The following ANOS1 variants were observed in gnomAD, a reference collection of about 807,000 sequenced individuals.
ANOS1 encodes the protein anosmin 1, also known as anosmin-1.
A neutral mutation model predicts 59.0 loss-of-function variants in ANOS1; 6 were observed. The ratio of observed to expected loss-of-function variants is 0.10; its 90% CI spans 0.06 to 0.20. The LOEUF (loss-of-function observed/expected upper bound fraction) is 0.20, where lower values mean the gene tolerates loss of function less well. Ranked by LOEUF, ANOS1 falls within the 10% of genes least tolerant of loss-of-function variation. The probability of loss-of-function intolerance (pLI) is 1.00; values close to 1 mark genes in which losing one functional copy is unlikely to be tolerated. For missense variants in ANOS1, 433 were observed against 542.3 expected, an observed-to-expected ratio of 0.80 and a Z score of 2.00; for synonymous variants, 217 against 223.4, an observed-to-expected ratio of 0.97 and a Z score of 0.25.
intron 2 of ANOS1, among the ~76,000 whole-genome samples, chrX:8,661,711 TCCCCATGAC>T (rs1389120664): frequency 9.4e-6 from 1 of 106,719 alleles, no homozygotes; most frequent in Non-Finnish European, 1.9e-5. Flanking sequence ...AGAACCACCT[TCCCCATGAC>T]CCCCATGTGG....
intron 2 of ANOS1, among the ~76,000 whole-genome samples, chrX:8,660,510 C>T (rs1932018739): frequency 9.0e-6 from 1 of 111,428 alleles, no homozygotes; most frequent in South Asian, 3.8e-4. Context: ...GACGGGGGCT[C>T]ATATCTGTCA....
chrX:8,723,019 G>A (rs1374095976), intron 1 of ANOS1, among the ~76,000 whole-genome samples: 1 of 112,078 alleles, frequency 8.9e-6, no homozygotes. Flanking sequence ...GTAGGAGAAT[G>A]AAACTGGATC....
chrX:8,545,382 GGGAAGGAA>G (rs56104485), intron 9 of ANOS1, among the ~76,000 whole-genome samples: 16 of 99,062 alleles, frequency 1.6e-4, no homozygotes, highest in Non-Finnish European at 3.0e-4. Context: ...GGAAAGGAAA[GGGAAGGAA>G]GGAAGGAAGG....
intron 1 of ANOS1, among the ~76,000 whole-genome samples, chrX:8,719,717 C>T (rs1456749900): frequency 1.8e-5 from 2 of 110,855 alleles, no homozygotes; most frequent in Non-Finnish European, 3.8e-5. Flanking sequence ...AACATATCTG[C>T]GTTATCTTTA....
chrX:8,539,334 T>C (rs866637102), intron 10 of ANOS1, among the ~76,000 whole-genome samples: 2 of 109,206 alleles, frequency 1.8e-5, no homozygotes, highest in Admixed American at 2.0e-4. Context: ...ATTCAGAAAA[T>C]AATTCAAAGC....
At position 8,648,034 on chromosome X, in the gene ANOS1, T is replaced by G. The variant is rs774780607; in HGVS notation, c.256-24364A>C. On this transcript the variant is annotated intron_variant, in intron 2 of 13. Coordinates refer to ENST00000262648, the MANE Select transcript of ANOS1 (RefSeq NM_000216.4). ...ATAAATTTATAAACTGTATAAATGT[T>G]ATAAATTGATAAACTGTACAAATAT... Among the ~76,000 whole-genome samples the G allele has an allele frequency of 2.7e-5, 3 of 112,528 alleles. No homozygotes were observed. The South Asian group carries it at 1.1e-3, about 41-fold the overall frequency.
At chrX:8,656,568 A>C (rs1298289351) in intron 2 of ANOS1, among the ~76,000 whole-genome samples, 1 of 111,251 alleles carries the variant, frequency 9.0e-6, no homozygotes, top group Non-Finnish European at 1.9e-5. Context: ...TAAGTTGCTA[A>C]GCTTTTCTAC....
At chrX:8,687,460 T>TAA (rs369701711) in intron 2 of ANOS1, among the ~76,000 whole-genome samples, 1 of 103,141 alleles carries the variant, frequency 9.7e-6, no homozygotes, top group Admixed American at 1.1e-4. Flanking sequence ...ACATAAATAT[T>TAA]AAAAAAAAAA....
At chrX:8,570,086 G>A (rs1461431905) in intron 7 of ANOS1, among the ~76,000 whole-genome samples, 3 of 103,696 alleles carry the variant, frequency 2.9e-5, no homozygotes, top group Non-Finnish European at 5.8e-5. Context: ...GAAACACTTC[G>A]CAACAGAAAA....
Position 8,667,956 on chromosome X carries a change from T to C in ANOS1, c.255+31742A>G, listed in dbSNP as rs772931465. ...TGAGAAAAGAGGAATAACTATTTTG[T>C]AGAAGTGCAATGAGGTCTGAGTGAC... On this transcript the variant is annotated intron_variant, in intron 2 of 13. Coordinates refer to ENST00000262648, the MANE Select transcript of ANOS1 (RefSeq NM_000216.4). Among the ~76,000 whole-genome samples, 6 of 111,514 alleles carry C rather than the reference T, an allele frequency of 5.4e-5. No individual in the cohort carries two copies. In the South Asian group the frequency reaches 2.3e-3, roughly 42 times the overall value.
intron 5 of ANOS1, 61 bp downstream of exon 5, chrX:8,587,733 C>T (rs772092854): frequency 1.8e-4 from 167 of 944,975 alleles, no homozygotes; most frequent in African/African-American, 8.0e-4. Flanking sequence ...ATTTTTTGTG[C>T]GTAGCTATGT....
chrX:8,720,803 C>G (rs1020424159), intron 1 of ANOS1, among the ~76,000 whole-genome samples: 1 of 111,106 alleles, frequency 9.0e-6, no homozygotes, highest in Non-Finnish European at 1.9e-5. Context: ...GTGTAACACA[C>G]CTGTAGTCCC....
At chrX:8,617,605 AC>A (rs1370664414) in intron 3 of ANOS1, among the ~76,000 whole-genome samples, 1 of 109,988 alleles carries the variant, frequency 9.1e-6, no homozygotes, top group Non-Finnish European at 1.9e-5. Context: ...ACATGGTGAA[AC>A]CCCGTCTCTA....
intron 4 of ANOS1, among the ~76,000 whole-genome samples, chrX:8,595,658 T>C (rs73199024): frequency 0.09 from 9,995 of 111,179 alleles, 394 homozygotes; most frequent in Admixed American, 0.13. Flanking sequence ...TATTTAGAAA[T>C]AATATGGATT....
Position 8,671,194 on chromosome X carries a change from C to T in ANOS1, c.255+28504G>A, listed in dbSNP as rs928063159. Reference sequence around the variant, plus strand: ...AAGACTTGATCCTCTAAGGCCCTGTCGCCAGGTGTCCTGTCATGATACAGC... The same window carrying T: ...AAGACTTGATCCTCTAAGGCCCTGTTGCCAGGTGTCCTGTCATGATACAGC... On this transcript the variant is annotated intron_variant, in intron 2 of 13. Coordinates refer to ENST00000262648, the MANE Select transcript of ANOS1 (RefSeq NM_000216.4). Among the ~76,000 whole-genome samples, 4 of 111,638 alleles carry T rather than the reference C, an allele frequency of 3.6e-5. No individual in the cohort carries two copies. In the South Asian group the frequency reaches 1.1e-3, roughly 31 times the overall value.
At chrX:8,686,389 C>T (rs1480146224) in intron 2 of ANOS1, among the ~76,000 whole-genome samples, 1 of 109,619 alleles carries the variant, frequency 9.1e-6, no homozygotes, top group African/African-American at 3.4e-5. Context: ...CTGGAAAGCA[C>T]ATCTTAAGTG....
intron 1 of ANOS1, among the ~76,000 whole-genome samples, chrX:8,701,903 T>C: frequency 8.9e-6 from 1 of 111,918 alleles, no homozygotes; most frequent in Non-Finnish European, 1.9e-5. Context: ...GCTTAAAAGA[T>C]CTCGGTCCCA....
intron 2 of ANOS1, among the ~76,000 whole-genome samples, chrX:8,640,396 G>T (rs181180414): frequency 9.0e-6 from 1 of 110,824 alleles, no homozygotes; most frequent in African/African-American, 3.3e-5. Context: ...TCCCTTCAGC[G>T]GCTTGACAGA....
chrX:8,638,179 T>C (rs5978928), intron 2 of ANOS1, among the ~76,000 whole-genome samples: 40,753 of 111,177 alleles, frequency 0.37, 5,767 homozygotes, highest in Middle Eastern at 0.54. Context: ...TTCTAGTTTA[T>C]GTACCTAGAG....
Sources: allele counts gnomAD v4.1 joint callset (sites outside exome capture counted in the v4.1 genomes callset), GRCh38; gene constraint gnomAD v4.1.1; transcripts MANE v1.5; gene names NCBI Gene and HGNC (gene_info 2026-07-23, HGNC 2026-07-21).